Variants in ARHGAP32 observed in about 807,000 individuals in gnomAD.
The protein encoded by ARHGAP32 is Rho GTPase activating protein 32.
Under a neutral mutation model 186.5 loss-of-function variants are expected in ARHGAP32, and 51 were observed. The ratio of observed to expected loss-of-function variants is 0.27; its 90% CI spans 0.22 to 0.35. The LOEUF is 0.35. ARHGAP32 is among the 10% of genes least tolerant of loss of function. ARHGAP32 has a pLI of 1.00. For missense variants in ARHGAP32, 2,186 were observed against 2,623.5 expected (o/e 0.83, Z 3.64); for synonymous variants, 950 against 964.3 (o/e 0.99, Z 0.27).
Position 128,970,906 on chromosome 11 carries a change from T to C in ARHGAP32, c.4307A>G (p.Lys1436Arg). The C allele has an allele frequency of 6.2e-7, 1 of 1,614,182 alleles. No homozygotes were observed. Among genetic ancestry groups the C allele is most frequent in the Non-Finnish European group, 8.5e-7 (1 of 1,180,030 alleles). Residue 1436 changes from lysine (K) to arginine (R), a missense_variant, in exon 23 of 23, where the codon AAG (lysine) becomes AGG (arginine). Physicochemically the swap from Lys to Arg is conservative, Grantham distance 26 (BLOSUM62 2). Around this residue, in one of 5 missense-constraint regions of ARHGAP32, gnomAD observed 1,502 missense variants for 1,570.0 expected, o/e 0.96. Coordinates refer to ENST00000682385, the MANE Select transcript of ARHGAP32 (RefSeq NM_001378024.1). The surrounding 1 kb of genome is among the most constrained non-coding windows in gnomAD (Gnocchi z 5.8). Reference sequence around the variant, plus strand: ...GCTGGAGTGTATGGCAGCAATCATCTTACTCTCCATCATCCTGGTGGGGGG... The same window carrying C: ...GCTGGAGTGTATGGCAGCAATCATCCTACTCTCCATCATCCTGGTGGGGGG... Reference protein sequence around the residue: ...PLPPTRMMESKMIAAIHSSSA... With the variant: ...PLPPTRMMESRMIAAIHSSSA...
chr11:128,974,586 G>T lies in ARHGAP32; in HGVS notation c.2611C>A (p.Pro871Thr). The T allele has an allele frequency of 1.9e-6, 3 of 1,614,176 alleles. No individual in the cohort carries two copies. The highest frequency in any genetic ancestry group is 2.5e-6 in the Non-Finnish European group (3 of 1,180,012). The change falls in exon 21 of 23, where the codon CCT becomes ACT. Residue 871 changes from proline (P) to threonine (T), a missense_variant. By Grantham distance (38) the Pro-to-Thr change is conservative. This residue lies in a region of ARHGAP32 where 1,502 missense variants were observed against 1,570.0 expected (regional missense o/e 0.96). Coordinates refer to ENST00000682385, the MANE Select transcript of ARHGAP32 (RefSeq NM_001378024.1). The part of the protein sequence containing the change: ...GSTASSEPVS[P>T]LQEKLSPFFT... ...AATGGACTCAGTTTCTCCTGAAGAGGAGAGACAGGTTCAGAGCTTGCTGTG... is the reference window on the plus strand; with the variant it reads ...AATGGACTCAGTTTCTCCTGAAGAGTAGAGACAGGTTCAGAGCTTGCTGTG...
chr11:128,987,606 A>T (rs916382169), intron 13 of ARHGAP32, among the ~76,000 whole-genome samples: 2 of 152,210 alleles, frequency 1.3e-5, no homozygotes, highest in Admixed American at 1.3e-4. Flanking sequence ...TTTGGGGAGG[A>T]TGTGAAATAT....
intron 6 of ARHGAP32, among the ~76,000 whole-genome samples, chr11:129,071,630 C>T (rs879118698): frequency 1.3e-5 from 2 of 152,062 alleles, no homozygotes; most frequent in Admixed American, 1.3e-4. Flanking sequence ...TAAATTGGTA[C>T]AGCCATTTTG....
upstream of ARHGAP32, among the ~76,000 whole-genome samples, chr11:129,196,385 A>T (rs977297766): frequency 6.6e-6 from 1 of 152,226 alleles, no homozygotes; most frequent in African/African-American, 2.4e-5. Context: ...TATTCCCTAA[A>T]CAATACTGTA....
intron 1 of ARHGAP32, among the ~76,000 whole-genome samples, chr11:129,209,786 G>A (rs1944558074): frequency 6.6e-6 from 1 of 152,162 alleles, no homozygotes; most frequent in African/African-American, 2.4e-5. Flanking sequence ...AATCAATTCA[G>A]TGTATGAATG....
At chr11:129,233,971 A>G (rs1591709616) in intron 1 of ARHGAP32, among the ~76,000 whole-genome samples, 2 of 152,218 alleles carry the variant, frequency 1.3e-5, no homozygotes, top group Admixed American at 1.3e-4. Context: ...AAGGAAAATA[A>G]TATCAGGGGT....
At chr11:129,213,927 G>A (rs1042407236) in intron 1 of ARHGAP32, among the ~76,000 whole-genome samples, 1 of 151,984 alleles carries the variant, frequency 6.6e-6, no homozygotes, top group Non-Finnish European at 1.5e-5. Flanking sequence ...AAATCCTGCA[G>A]GTAAGAATGT....
At chr11:129,035,327 A>G (rs1939287006) in intron 11 of ARHGAP32, among the ~76,000 whole-genome samples, 1 of 152,214 alleles carries the variant, frequency 6.6e-6, no homozygotes, top group Non-Finnish European at 1.5e-5. Context: ...TTCAAAGAGA[A>G]TATTTTTCCT....
intron 6 of ARHGAP32, among the ~76,000 whole-genome samples, chr11:129,087,134 T>C (rs1941432495): frequency 6.6e-6 from 1 of 152,204 alleles, no homozygotes; most frequent in Non-Finnish European, 1.5e-5. Flanking sequence ...CTGTCATTCA[T>C]TGCTGCTGGG....
intron 1 of ARHGAP32, among the ~76,000 whole-genome samples, chr11:129,177,747 C>A (rs1400513166): frequency 6.6e-6 from 1 of 152,142 alleles, no homozygotes; most frequent in African/African-American, 2.4e-5. Context: ...GCCCTTCATG[C>A]TAAAAACTCT....
intron 10 of ARHGAP32, among the ~76,000 whole-genome samples, chr11:129,044,876 G>A (rs1939744752): frequency 6.7e-6 from 1 of 149,860 alleles, no homozygotes; most frequent in Non-Finnish European, 1.5e-5. Context: ...CTAAGTTCGA[G>A]TATCTTTTGG....
At chr11:129,196,367 C>G (rs968914609), upstream of ARHGAP32, among the ~76,000 whole-genome samples, 1 of 152,166 alleles carries the variant, frequency 6.6e-6, no homozygotes, top group Non-Finnish European at 1.5e-5. Context: ...CAGGCTTCTT[C>G]TTGTCATTAT....
intron 2 of ARHGAP32, among the ~76,000 whole-genome samples, chr11:129,146,005 C>T (rs1943161649): frequency 6.6e-6 from 1 of 152,078 alleles, no homozygotes; most frequent in African/African-American, 2.4e-5. Context: ...TCAATGGTTA[C>T]ATTTGTGATG....
intron 5 of ARHGAP32, among the ~76,000 whole-genome samples, chr11:129,099,874 G>A (rs1941842330): frequency 6.6e-6 from 1 of 152,040 alleles, no homozygotes; most frequent in African/African-American, 2.4e-5. Flanking sequence ...GTGTACACAA[G>A]GAAGACACAG....
chr11:129,216,437 T>G (rs1944646790), intron 1 of ARHGAP32, among the ~76,000 whole-genome samples: 1 of 152,016 alleles, frequency 6.6e-6, no homozygotes, highest in Non-Finnish European at 1.5e-5. Flanking sequence ...ATCCCAGCAC[T>G]TTGGGAGGCC....
At chr11:129,035,088 T>A (rs561752924) in intron 11 of ARHGAP32, among the ~76,000 whole-genome samples, 1 of 152,200 alleles carries the variant, frequency 6.6e-6, no homozygotes, top group East Asian at 1.9e-4. Flanking sequence ...CACCTAGACC[T>A]CATCTTCCAC....
intron 1 of ARHGAP32, among the ~76,000 whole-genome samples, chr11:129,169,702 T>G (rs1190027638): frequency 6.6e-6 from 1 of 150,978 alleles, no homozygotes; most frequent in Non-Finnish European, 1.5e-5. Context: ...CAGTTGAGAA[T>G]TTAGTTGAAA....
chr11:129,218,318 T>C (rs952476072), intron 1 of ARHGAP32, among the ~76,000 whole-genome samples: 3 of 152,188 alleles, frequency 2.0e-5, no homozygotes, highest in Non-Finnish European at 4.4e-5. Flanking sequence ...GGTCCTTCTA[T>C]ACTTAACATT....
chr11:129,197,607 T>C (rs1216990025), intron 1 of ARHGAP32, among the ~76,000 whole-genome samples: 2 of 152,196 alleles, frequency 1.3e-5, no homozygotes, highest in African/African-American at 2.4e-5. Context: ...CTGTGTAATA[T>C]ATATGTATGT....
Sources: allele counts gnomAD v4.1 joint callset (sites outside exome capture counted in the v4.1 genomes callset), GRCh38; gene constraint gnomAD v4.1.1; regional missense constraint gnomAD v4.1.1; non-coding constraint Gnocchi (gnomAD v3.1); transcripts MANE v1.5; gene names NCBI Gene and HGNC (gene_info 2026-07-23, HGNC 2026-07-21).